The following B3GALT5 variants were observed in gnomAD, a reference collection of about 807,000 sequenced individuals.
The protein encoded by B3GALT5 is UDP-Gal:betaGlcNAc beta 1,3-galactosyltransferase, polypeptide 5.
For synonymous variants in B3GALT5, 156 were observed against 158.6 expected, an observed-to-expected ratio of 0.98 and a Z score of 0.12; for missense variants, 328 against 396.6, an observed-to-expected ratio of 0.83 and a Z score of 1.47.
chr21:39,669,090 G>A lies in B3GALT5; in HGVS notation c.*7598G>A, dbSNP rs1033533651. The A allele has an allele frequency of 3.9e-5, 6 of 152,294 alleles. No homozygotes were observed. Among genetic ancestry groups the A allele is most frequent in the African/African-American group, 1.2e-4 (5 of 41,554 alleles). 9.4% of individuals were successfully genotyped at this position (152,294 alleles called of 1,614,324 possible). ...ATTGAGTCTGTAGGGCTTTGTTTCAGCTCTTGTTCTTTTTCTTCATTTGAA... is the reference window on the plus strand; with the variant it reads ...ATTGAGTCTGTAGGGCTTTGTTTCAACTCTTGTTCTTTTTCTTCATTTGAA... On this transcript the variant is annotated 3_prime_UTR_variant, in exon 4 of 4. Coordinates refer to ENST00000684187, the MANE Select transcript of B3GALT5 (RefSeq NM_001356336.2).
intron 1 of B3GALT5, among the ~76,000 whole-genome samples, chr21:39,616,167 G>A (rs1425256021): frequency 6.6e-6 from 1 of 152,114 alleles, no homozygotes; most frequent in Non-Finnish European, 1.5e-5. Context: ...GGACAACATA[G>A]CAAGACCCCG....
rs1359856684 is a variant in B3GALT5, at chr21:39,646,469, T to G, written c.-314T>G. 6.6e-6 allele frequency: 1 copy of G among 152,174 alleles called. No homozygotes were observed. Among genetic ancestry groups the G allele is most frequent in the Non-Finnish European group, 1.5e-5 (1 of 68,030 alleles). 9.4% of individuals were successfully genotyped at this position (152,174 alleles called of 1,614,324 possible). A position where few individuals can be genotyped will look rare whatever the true frequency, so the allele number is the denominator to read the frequency against. ...AATGTATCCAAGTCACAAAGAAACATAATTTGGCTTTTGGAGACATGAGCA... is the reference window on the plus strand; with the variant it reads ...AATGTATCCAAGTCACAAAGAAACAGAATTTGGCTTTTGGAGACATGAGCA... On this transcript the variant is annotated 5_prime_UTR_variant, in exon 2 of 4. It removes the in-frame stop codon of an upstream open reading frame in the 5' UTR. Coordinates refer to ENST00000684187, the MANE Select transcript of B3GALT5 (RefSeq NM_001356336.2).
At chr21:39,633,123 G>A (rs1602264736) in intron 1 of B3GALT5, among the ~76,000 whole-genome samples, 1 of 152,158 alleles carries the variant, frequency 6.6e-6, no homozygotes, top group East Asian at 1.9e-4. Context: ...GCAGGGAAAT[G>A]GTGGCTGTGG....
intron 2 of B3GALT5, 137 bp from the exon 3 acceptor site, chr21:39,659,616 G>T (rs765041311): frequency 6.5e-6 from 2 of 308,766 alleles, no homozygotes; most frequent in Non-Finnish European, 9.4e-6. Flanking sequence ...GAAAAGTGAG[G>T]CTGGGATTGG....
chr21:39,644,043 A>AT (rs146413789), intron 1 of B3GALT5, among the ~76,000 whole-genome samples: 18,644 of 152,094 alleles, frequency 0.12, 1,276 homozygotes, highest in Non-Finnish European at 0.16. Flanking sequence ...TCCTAAGATG[A>AT]TTTTGAGGTC....
At chr21:39,617,886 T>C (rs2079114890) in intron 1 of B3GALT5, among the ~76,000 whole-genome samples, 1 of 152,140 alleles carries the variant, frequency 6.6e-6, no homozygotes, top group Non-Finnish European at 1.5e-5. Flanking sequence ...TTTTCATTGC[T>C]ATGTAAAATG....
chr21:39,644,937 C>G (rs1220594628), intron 1 of B3GALT5, among the ~76,000 whole-genome samples: 1 of 152,108 alleles, frequency 6.6e-6, no homozygotes, highest in African/African-American at 2.4e-5. Flanking sequence ...GCTCACCCCC[C>G]TTTCTTCTCA....
At chr21:39,656,502 G>T (rs1432806744) in intron 2 of B3GALT5, among the ~76,000 whole-genome samples, 2 of 152,208 alleles carry the variant, frequency 1.3e-5, no homozygotes, top group African/African-American at 4.8e-5. Context: ...GAGGGCCACA[G>T]CCCCTGGAGA....
In B3GALT5 at chr21:39,661,089, C is replaced by A; in HGVS notation, c.530C>A (p.Thr177Asn). 6.2e-7 allele frequency: 1 copy of A among 1,614,156 alleles called. No homozygotes were observed. Among genetic ancestry groups the A allele is most frequent in the Non-Finnish European group, 8.5e-7 (1 of 1,180,016 alleles). Residue 177 changes from threonine (T) to asparagine (N), a missense_variant, in exon 4 of 4, where the codon ACC becomes AAC. Physicochemically the swap from Thr to Asn is moderately conservative, Grantham distance 65. Coordinates refer to ENST00000684187, the MANE Select transcript of B3GALT5 (RefSeq NM_001356336.2). The surrounding 1 kb of genome is among the most constrained non-coding windows in gnomAD (Gnocchi z 4.7). ...TELLLKKNRT[T>N]RFFTGFLKLN... ...CTGCTTCTGAAGAAAAACAGAACAA[C>A]CAGGTTTTTCACTGGCTTCTTGAAA...
intron 2 of B3GALT5, among the ~76,000 whole-genome samples, chr21:39,650,756 G>A (rs28625148): frequency 0.18 from 26,512 of 149,592 alleles, 2,343 homozygotes; most frequent in Admixed American, 0.19. Flanking sequence ...TGGGGGAGCC[G>A]TTGAAATAGA....
chr21:39,628,580 A>G lies in B3GALT5; in HGVS notation c.-392+15513A>G, dbSNP rs149510652. ...GTTTCGACCTTTGTCACATGACTCC[A>G]TATCAGCTGCCACTGGCTCATACAC... On this transcript the variant is annotated intron_variant, in intron 1 of 3. Coordinates refer to ENST00000684187, the MANE Select transcript of B3GALT5 (RefSeq NM_001356336.2). Among the ~76,000 whole-genome samples the G allele has an allele frequency of 2.5e-3, 376 of 152,364 alleles. 7 individuals carry two copies. In the East Asian group the frequency reaches 0.031, roughly 12 times the overall value.
intron 1 of B3GALT5, among the ~76,000 whole-genome samples, chr21:39,624,479 C>T (rs2079153501): frequency 6.6e-6 from 1 of 152,124 alleles, no homozygotes; most frequent in Non-Finnish European, 1.5e-5. Context: ...AGTGGGTGTT[C>T]AATGGCTTGG....
At chr21:39,642,498 C>A (rs2079297971) in intron 1 of B3GALT5, among the ~76,000 whole-genome samples, 1 of 152,206 alleles carries the variant, frequency 6.6e-6, no homozygotes, top group Non-Finnish European at 1.5e-5. Context: ...TAAGGAGTTA[C>A]ACACATTGAG....
At chr21:39,655,514 A>C (rs186017212) in intron 2 of B3GALT5, among the ~76,000 whole-genome samples, 1 of 152,134 alleles carries the variant, frequency 6.6e-6, no homozygotes, top group East Asian at 1.9e-4. Flanking sequence ...GTGACTTCTT[A>C]ATTACTTAGA....
At chr21:39,634,595 G>T (rs2079213999) in intron 1 of B3GALT5, among the ~76,000 whole-genome samples, 1 of 152,148 alleles carries the variant, frequency 6.6e-6, no homozygotes, top group Non-Finnish European at 1.5e-5. Context: ...AGTCTCGGAG[G>T]TTCAAGTGGA....
At position 39,668,780 on chromosome 21, in the gene B3GALT5, CCTTGAGTGGCAAGTTACTTAT is replaced by C. The variant is rs2079601058; in HGVS notation, c.*7292_*7312del. 6.6e-6 allele frequency: 1 copy of C among 152,242 alleles called. No individual in the cohort carries two copies. Among genetic ancestry groups the C allele is most frequent in the African/African-American group, 2.4e-5 (1 of 41,448 alleles). 9.4% of individuals were successfully genotyped at this position (152,242 alleles called of 1,614,324 possible). The stretch of plus-strand genomic sequence containing the variant: ...TGAATTTTACCTTCCTCGCCAAGTC[CCTTGAGTGGCAAGTTACTTAT>C]CTTCTCATTGTCTCCGTTTTGTTAT... On this transcript the variant is annotated 3_prime_UTR_variant, in exon 4 of 4. Coordinates refer to ENST00000684187, the MANE Select transcript of B3GALT5 (RefSeq NM_001356336.2).
intron 1 of B3GALT5, among the ~76,000 whole-genome samples, chr21:39,633,815 C>T (rs995769545): frequency 1.3e-5 from 2 of 152,186 alleles, no homozygotes; most frequent in Non-Finnish European, 2.9e-5. Flanking sequence ...TTATTTTGCC[C>T]TCCGGACAGT....
At chr21:39,639,331 T>C (rs1287921337) in intron 1 of B3GALT5, among the ~76,000 whole-genome samples, 2 of 120,026 alleles carry the variant, frequency 1.7e-5, no homozygotes, top group African/African-American at 6.5e-5. Context: ...TCTTTCTTTC[T>C]TTCTTTCTTT....
At chr21:39,645,236 C>G (rs546200518) in intron 1 of B3GALT5, among the ~76,000 whole-genome samples, 77 of 152,280 alleles carry the variant, frequency 5.1e-4, no homozygotes, top group African/African-American at 1.8e-3. Flanking sequence ...CACAGTTGCC[C>G]TCTTCCTACC....
Sources: gnomAD v4.1 joint callset for allele counts (sites outside exome capture counted in the v4.1 genomes callset) on GRCh38, gnomAD v4.1.1 for gene constraint, Gnocchi (gnomAD v3.1) non-coding constraint, MANE v1.5 for transcripts, NCBI Gene and HGNC (gene_info 2026-07-23, HGNC 2026-07-21) for gene names.